DAB2IP: variants seen among roughly 807,000 people sequenced by gnomAD.
DAB2IP encodes the protein disabled homolog 2-interacting protein.
In DAB2IP, 28 loss-of-function variants were observed where a neutral mutation model predicts 107.2. The observed-to-expected ratio is 0.26, with a 90% CI of 0.19 to 0.36. The LOEUF (loss-of-function observed/expected upper bound fraction) is 0.36. DAB2IP is among the 10% of genes least tolerant of loss of function. The pLI is 1.00. For synonymous variants in DAB2IP, 755 were observed against 706.4 expected (o/e 1.07, Z -1.09); for missense variants, 1,400 against 1,644.7 (o/e 0.85, Z 2.57).
chr9:121,589,930 C>T lies in DAB2IP; in HGVS notation c.40+22702C>T, dbSNP rs544209071. ...GCCCAGTCCTGCTCCCTTCCCTTCC[C>T]TTCCCTTCCCTTCCCTTCCCTTCCC... On this transcript the variant is annotated intron_variant, in intron 1 of 16. Coordinates refer to the DAB2IP transcript ENST00000259371. Among the ~76,000 whole-genome samples, 7 of 52,652 alleles carry T rather than the reference C, an allele frequency of 1.3e-4. No individual in the cohort carries two copies. In the South Asian group the frequency reaches 3.4e-3, roughly 25 times the overall value. 34.5% of individuals were successfully genotyped at this position (52,652 alleles called of 152,430 possible).
intron 1 of DAB2IP, among the ~76,000 whole-genome samples, chr9:121,620,704 C>T (rs985694849): frequency 2.0e-5 from 3 of 152,156 alleles, no homozygotes; most frequent in Non-Finnish European, 4.4e-5. Context: ...TGTGCTCTTC[C>T]GGTGGCTCAG....
chr9:121,590,683 CAACA>C lies in DAB2IP; in HGVS notation c.40+23460_40+23463del, dbSNP rs369271140. 4.5e-3 allele frequency among the ~76,000 whole-genome samples: 684 copies of C among 152,220 alleles called. 8 individuals are homozygous for C. Among genetic ancestry groups the C allele is most frequent in the African/African-American group, 0.016 (659 of 41,530 alleles). Reference sequence around the variant, plus strand: ...CGGGCAGAAATGTAGACATTTCTGGCAACAAACAGTATCCAACAACAATAAACAG... The same window carrying C: ...CGGGCAGAAATGTAGACATTTCTGGCAACAGTATCCAACAACAATAAACAG... On this transcript the variant is annotated intron_variant, in intron 1 of 16. Transcript: ENST00000259371.
At chr9:121,754,464 C>A (rs909896122) in intron 3 of DAB2IP, among the ~76,000 whole-genome samples, 2 of 152,228 alleles carry the variant, frequency 1.3e-5, no homozygotes, top group Admixed American at 6.5e-5. Context: ...TCCTCTTCCT[C>A]CCAGAGAGCT....
Position 121,653,782 on chromosome 9 carries a change from G to C in DAB2IP, c.124+1883G>C, listed in dbSNP as rs562021875. On this transcript the variant is annotated intron_variant, in intron 1 of 15. Transcript: ENST00000408936. ...TGACCAGGCAGGGGATAATCAATGT[G>C]TCAGGGGCTGTCACCTGAGCCCCAG... Among the ~76,000 whole-genome samples the C allele has an allele frequency of 1.2e-4, 18 of 152,148 alleles. 1 individual carries two copies. The highest frequency in any genetic ancestry group is 1.2e-3 in the Admixed American group (18 of 15,276).
At chr9:121,586,796 G>T (rs1830322390) in intron 1 of DAB2IP, among the ~76,000 whole-genome samples, 1 of 151,626 alleles carries the variant, frequency 6.6e-6, no homozygotes, top group Non-Finnish European at 1.5e-5. Context: ...CTCCAGCCTG[G>T]GTGACAAAGT....
rs1225738073 is a variant in DAB2IP at position 121,736,584 on chromosome 9, C to T, written c.363-20429C>T. Among the ~76,000 whole-genome samples, 1 of 140,160 alleles carries T rather than the reference C, an allele frequency of 7.1e-6. No homozygotes were observed. Among genetic ancestry groups the T allele is most frequent in the East Asian group, 2.3e-4 (1 of 4,438 alleles). The allele number at this position is 140,160 out of a possible 152,430, so 92.0% of individuals were successfully genotyped here. The stretch of plus-strand genomic sequence containing the variant: ...AGGGCCCGGAGGGCTGGGGCTGGGG[C>T]GGGCCGCTTCCGGGCTGGAGAGGGT... On this transcript the variant is annotated intron_variant, in intron 3 of 15. Transcript: ENST00000408936. This position sits in a 1 kb window ranked among gnomAD's most constrained non-coding sequence, Gnocchi z 4.6.
At chr9:121,697,295 A>G (rs1435436655) in intron 2 of DAB2IP, among the ~76,000 whole-genome samples, 3 of 152,248 alleles carry the variant, frequency 2.0e-5, no homozygotes, top group Non-Finnish European at 4.4e-5. Flanking sequence ...ATACCTCAAG[A>G]TTGCAAAAAT....
intron 1 of DAB2IP, among the ~76,000 whole-genome samples, chr9:121,626,352 T>A (rs1257651015): frequency 2.0e-5 from 3 of 150,792 alleles, no homozygotes; most frequent in African/African-American, 7.3e-5. Context: ...AGGATATTTG[T>A]GTTGGTAAAA....
At position 121,783,252 on chromosome 9, in the gene DAB2IP, G is replaced by A. The variant is rs1415663900; in HGVS notation, c.*754G>A. The A allele has an allele frequency of 2.3e-6, 3 of 1,314,490 alleles. No individual in the cohort carries two copies. The East Asian group carries it at 9.6e-5, about 42-fold the overall frequency. The allele number at this position is 1,314,490 out of a possible 1,614,324, so 81.4% of individuals were successfully genotyped here. ...TCTTGTGAGCTCTTGTCCCTGTGGG[G>A]AGGACCCACAGCTTCCCACACCTCC... On this transcript the variant is annotated 3_prime_UTR_variant, in exon 16 of 16. Coordinates refer to ENST00000408936, the Ensembl canonical transcript of DAB2IP.
intron 3 of DAB2IP, among the ~76,000 whole-genome samples, chr9:121,738,350 CAGTT>C (rs1317579616): frequency 2.0e-5 from 3 of 152,184 alleles, no homozygotes; most frequent in African/African-American, 4.8e-5. Context: ...CTCTCTCTCT[CAGTT>C]AGTATTGCAG....
In DAB2IP at chr9:121,780,066, TAA is replaced by T. The variant is rs1338510615; in HGVS notation, c.3315-1396_3315-1395del. On this transcript the variant is annotated intron_variant, in intron 14 of 15. Transcript: ENST00000408936. ...GTTTGTTTGTTTGGTTGGTTTTTAA[TAA>T]AGAGATGGGGTCTCGCCATGTTACC... Among the ~76,000 whole-genome samples, 3 of 152,184 alleles carry T rather than the reference TAA, an allele frequency of 2.0e-5. No homozygotes were observed. The East Asian group carries it at 5.8e-4, about 29-fold the overall frequency.
chr9:121,681,551 A>G (rs1828605053), intron 2 of DAB2IP, among the ~76,000 whole-genome samples: 1 of 151,842 alleles, frequency 6.6e-6, no homozygotes, highest in Non-Finnish European at 1.5e-5. Context: ...CGTTTTGCCC[A>G]CTTCTCATGG....
intron 3 of DAB2IP, among the ~76,000 whole-genome samples, chr9:121,741,954 G>T (rs114289710): frequency 6.6e-6 from 1 of 151,976 alleles, no homozygotes; most frequent in African/African-American, 2.4e-5. Context: ...GGCAGAGTCC[G>T]GGTTTGAACA....
intron 1 of DAB2IP, among the ~76,000 whole-genome samples, chr9:121,569,583 G>T (rs1395061017): frequency 1.3e-5 from 2 of 152,240 alleles, no homozygotes; most frequent in Admixed American, 6.5e-5. Flanking sequence ...ACTTTGGGAG[G>T]CTGAGGCAGG....
At chr9:121,774,985 A>T in intron 13 of DAB2IP, among the ~76,000 whole-genome samples, 1 of 151,746 alleles carries the variant, frequency 6.6e-6, no homozygotes, top group East Asian at 1.9e-4. Context: ...TTTCTTCCCC[A>T]CCCCCGGGAA....
intron 1 of DAB2IP, among the ~76,000 whole-genome samples, chr9:121,663,199 C>CT (rs1290691638): frequency 1.3e-5 from 2 of 152,094 alleles, no homozygotes; most frequent in African/African-American, 4.8e-5. Flanking sequence ...AAAGGAAAAC[C>CT]TGGGGACAAG....
rs1829674056 is a variant in DAB2IP at position 121,699,879 on chromosome 9, C to T, written c.362+421C>T. ...GGGTATCAGATACAAAAGGCATTTT[C>T]GGCCGGGTTTGGCCGAGACCGGGCG... On this transcript the variant is annotated intron_variant, in intron 3 of 15. Transcript: ENST00000408936. The surrounding 1 kb of genome is among the most constrained non-coding windows in gnomAD (Gnocchi z 6.2). Among the ~76,000 whole-genome samples, 1 of 152,232 alleles carries T rather than the reference C, an allele frequency of 6.6e-6. No homozygotes were observed. The highest frequency in any genetic ancestry group is 1.5e-5 in the Non-Finnish European group (1 of 68,040).
chr9:121,695,685 C>G (rs1198270448), intron 2 of DAB2IP, among the ~76,000 whole-genome samples: 7 of 152,056 alleles, frequency 4.6e-5, no homozygotes, highest in Non-Finnish European at 1.0e-4. Flanking sequence ...TGTCCCTAGG[C>G]AAGGGAGTGA....
Position 121,709,288 on chromosome 9 carries a change from G to A in DAB2IP, c.362+9830G>A, listed in dbSNP as rs563423561. Among the ~76,000 whole-genome samples, 199 of 152,314 alleles carry A rather than the reference G, an allele frequency of 1.3e-3. 1 individual carries two copies. Among genetic ancestry groups the A allele is most frequent in the African/African-American group, 4.5e-3 (189 of 41,572 alleles). ...GGAGCTGCTGGAGAATGGAGCCATC[G>A]TAGCGGGGCGGGGGACGGAGATGCC... On this transcript the variant is annotated intron_variant, in intron 3 of 15. Transcript: ENST00000408936.
Sources: gnomAD v4.1 joint callset for allele counts (sites outside exome capture counted in the v4.1 genomes callset) on GRCh38, gnomAD v4.1.1 for gene constraint, Gnocchi (gnomAD v3.1) non-coding constraint, MANE v1.5 for transcripts, NCBI Gene and HGNC (gene_info 2026-07-23, HGNC 2026-07-21) for gene names.